The following STPG2 variants were observed in gnomAD, a reference collection of about 807,000 sequenced individuals.
STPG2 encodes the protein sperm tail PG-rich repeat containing 2, also known as sperm-tail PG-rich repeat-containing protein 2.
In STPG2, 56 loss-of-function variants were observed where a neutral mutation model predicts 54.2. The observed-to-expected ratio is 1.03, with a 90% CI of 0.83 to 1.29. STPG2 has a LOEUF of 1.29. STPG2 is among the 50% of genes most tolerant of loss of function. The pLI is 0.00. For synonymous variants in STPG2, 200 were observed against 181.8 expected (o/e 1.10, Z -0.81); for missense variants, 596 against 544.9 (o/e 1.09, Z -0.93).
intron 4 of STPG2, among the ~76,000 whole-genome samples, chr4:97,463,266 A>G (rs1729709924): frequency 6.6e-6 from 1 of 152,100 alleles, no homozygotes; most frequent in African/African-American, 2.4e-5. Context: ...CCTAGCCACT[A>G]CAATTTTTTT....
chr4:97,716,565 T>A (rs1724294268), intron 9 of STPG2, among the ~76,000 whole-genome samples: 1 of 151,970 alleles, frequency 6.6e-6, no homozygotes, highest in African/African-American at 2.4e-5. Context: ...TGGATGAAGC[T>A]GGAAACCATT....
At chr4:97,701,059 T>C (rs1231822673) in intron 10 of STPG2, among the ~76,000 whole-genome samples, 1 of 152,212 alleles carries the variant, frequency 6.6e-6, no homozygotes, top group Non-Finnish European at 1.5e-5. Flanking sequence ...ATATCCTTGA[T>C]AGTGGCACTA....
At chr4:98,120,984 T>C (rs757005040) in intron 3 of STPG2, among the ~76,000 whole-genome samples, 23 of 152,378 alleles carry the variant, frequency 1.5e-4, no homozygotes, top group South Asian at 8.3e-4. Flanking sequence ...CCTGTGCCTA[T>C]GTTCTCAATG....
At chr4:97,953,878 G>A (rs1179678284) in intron 7 of STPG2, among the ~76,000 whole-genome samples, 2 of 152,040 alleles carry the variant, frequency 1.3e-5, no homozygotes, top group African/African-American at 2.4e-5. Context: ...TTGCTTCTCA[G>A]AAAAAAAGTT....
chr4:97,934,174 G>T (rs554311779), intron 8 of STPG2, among the ~76,000 whole-genome samples: 1 of 152,172 alleles, frequency 6.6e-6, no homozygotes, highest in Admixed American at 6.5e-5. Context: ...GTCTATTGTT[G>T]GTGTATAGGA....
At chr4:97,983,287 A>G (rs993408342) in intron 5 of STPG2, among the ~76,000 whole-genome samples, 1 of 152,210 alleles carries the variant, frequency 6.6e-6, no homozygotes, top group Non-Finnish European at 1.5e-5. Context: ...GTAAGTATAC[A>G]GTACATAACA....
chr4:97,814,985 A>G (rs1474667085), intron 9 of STPG2, among the ~76,000 whole-genome samples: 1 of 152,078 alleles, frequency 6.6e-6, no homozygotes, highest in Non-Finnish European at 1.5e-5. Flanking sequence ...AGTATTTCTT[A>G]GTATTACTGT....
At chr4:97,929,375 C>A (rs1054099473) in intron 8 of STPG2, among the ~76,000 whole-genome samples, 8 of 152,152 alleles carry the variant, frequency 5.3e-5, no homozygotes, top group South Asian at 2.1e-4. Context: ...AATTTATATT[C>A]CTTTGGGAAT....
intron 4 of STPG2, among the ~76,000 whole-genome samples, chr4:97,482,139 A>C (rs1474335301): frequency 1.3e-5 from 2 of 151,398 alleles, no homozygotes; most frequent in African/African-American, 4.8e-5. Context: ...ACACTGAGTG[A>C]TTTTTCAAAT....
intron 9 of STPG2, among the ~76,000 whole-genome samples, chr4:97,831,732 C>A (rs1431908850): frequency 1.3e-5 from 2 of 152,154 alleles, no homozygotes; most frequent in African/African-American, 4.8e-5. Context: ...TCAGAGAATA[C>A]TATAAATGCC....
intron 9 of STPG2, among the ~76,000 whole-genome samples, chr4:97,784,573 T>C (rs975341157): frequency 6.6e-6 from 1 of 151,828 alleles, no homozygotes; most frequent in Non-Finnish European, 1.5e-5. Flanking sequence ...GTATAAATGG[T>C]AGTAGTAAAA....
chr4:97,740,610 C>T (rs1381322874), intron 9 of STPG2, among the ~76,000 whole-genome samples: 1 of 152,078 alleles, frequency 6.6e-6, no homozygotes, highest in Non-Finnish European at 1.5e-5. Context: ...CTCCCATTCA[C>T]AATTTCTTCA....
intron 6 of STPG2, among the ~76,000 whole-genome samples, chr4:97,973,575 G>A (rs1734407150): frequency 6.6e-6 from 1 of 152,224 alleles, no homozygotes. Flanking sequence ...AATGTCTCCA[G>A]GTATGTCAGA....
intron 5 of STPG2, among the ~76,000 whole-genome samples, chr4:97,990,877 C>T (rs1397809935): frequency 1.3e-5 from 2 of 152,068 alleles, no homozygotes; most frequent in Non-Finnish European, 2.9e-5. Context: ...ACAGTTTAAA[C>T]TTTATTCCTA....
chr4:97,512,857 C>A lies in STPG2; in HGVS notation c.462+199842G>T, dbSNP rs117136596. 3.3e-5 allele frequency among the ~76,000 whole-genome samples: 5 copies of A among 152,138 alleles called. No individual in the cohort carries two copies. In the East Asian group the frequency reaches 9.7e-4, roughly 30 times the overall value. On this transcript the variant is annotated intron_variant, in intron 4 of 4. Transcript: ENST00000522676. Reference sequence around the variant, plus strand: ...ACAGATGTGTGGAGCTTCCCCACAACACACACACCTCATACAATTCTGCAG... The same window carrying A: ...ACAGATGTGTGGAGCTTCCCCACAAAACACACACCTCATACAATTCTGCAG...
At chr4:97,594,216 A>T (rs1249582280) in intron 10 of STPG2, among the ~76,000 whole-genome samples, 5 of 152,244 alleles carry the variant, frequency 3.3e-5, no homozygotes, top group Non-Finnish European at 7.3e-5. Flanking sequence ...AAGATTCAGA[A>T]GAAAGTGAAA....
At chr4:97,924,448 A>C (rs1732257983) in intron 8 of STPG2, among the ~76,000 whole-genome samples, 1 of 152,240 alleles carries the variant, frequency 6.6e-6, no homozygotes, top group Admixed American at 6.5e-5. Context: ...TTTGTATATA[A>C]TTAGGAGCAG....
At chr4:98,125,169 T>C (rs975851266) in intron 3 of STPG2, among the ~76,000 whole-genome samples, 2 of 152,224 alleles carry the variant, frequency 1.3e-5, no homozygotes, top group Admixed American at 1.3e-4. Flanking sequence ...TGAAGCCTAC[T>C]TCTATCAATT....
chr4:97,710,996 A>G (rs1724095440), intron 10 of STPG2, among the ~76,000 whole-genome samples: 2 of 151,678 alleles, frequency 1.3e-5, no homozygotes, highest in Admixed American at 1.3e-4. Flanking sequence ...TGCATAATAA[A>G]CATCTATCAT....
Sources: allele counts gnomAD v4.1 joint callset (sites outside exome capture counted in the v4.1 genomes callset), GRCh38; gene constraint gnomAD v4.1.1; transcripts MANE v1.5; gene names NCBI Gene and HGNC (gene_info 2026-07-23, HGNC 2026-07-21).